Variants in SLC8A3 observed in about 807,000 individuals in gnomAD.
The protein encoded by SLC8A3 is solute carrier family 8 member A3.
A neutral mutation model predicts 65.4 loss-of-function variants in SLC8A3; 37 were observed. The observed-to-expected ratio is 0.57, with a 90% CI of 0.44 to 0.74. The LOEUF (loss-of-function observed/expected upper bound fraction) is 0.74, where lower values mean the gene tolerates loss of function less well. Among genes scored for constraint, SLC8A3 ranks in the 30% least tolerant of loss-of-function variants. The pLI is 0.00. For synonymous variants in SLC8A3, 461 were observed against 444.5 expected (o/e 1.04, Z -0.47); for missense variants, 1,112 against 1,172.1 (o/e 0.95, Z 0.75).
chr14:70,107,727 T>C (rs1892973149), intron 2 of SLC8A3, among the ~76,000 whole-genome samples: 1 of 152,110 alleles, frequency 6.6e-6, no homozygotes, highest in Admixed American at 6.5e-5. Context: ...TCTGTACATT[T>C]TTAATACCAG....
At chr14:70,168,903 T>C (rs780111490) in intron 1 of SLC8A3, among the ~76,000 whole-genome samples, 10 of 152,200 alleles carry the variant, frequency 6.6e-5, no homozygotes, top group Non-Finnish European at 8.8e-5. Flanking sequence ...TTGGATAACA[T>C]AGGTTTGCAA....
At chr14:70,094,259 A>T (rs758131212) in intron 2 of SLC8A3, among the ~76,000 whole-genome samples, 5 of 152,226 alleles carry the variant, frequency 3.3e-5, no homozygotes, top group Non-Finnish European at 7.3e-5. Context: ...TGTGGGAACT[A>T]GCACATAGAA....
At chr14:70,142,377 T>G (rs1305948156) in intron 2 of SLC8A3, among the ~76,000 whole-genome samples, 1 of 152,180 alleles carries the variant, frequency 6.6e-6, no homozygotes, top group Non-Finnish European at 1.5e-5. Context: ...AATGAACCAC[T>G]ATTGAAATAG....
At chr14:70,098,046 A>G (rs1278644317) in intron 2 of SLC8A3, among the ~76,000 whole-genome samples, 1 of 152,164 alleles carries the variant, frequency 6.6e-6, no homozygotes, top group Non-Finnish European at 1.5e-5. Context: ...GGGAGGGGAA[A>G]TCTGTAAGCA....
intron 2 of SLC8A3, among the ~76,000 whole-genome samples, chr14:70,089,188 T>C (rs1406379163): frequency 3.3e-5 from 5 of 152,220 alleles, no homozygotes; most frequent in Non-Finnish European, 7.3e-5. Context: ...CTTGCCCAGT[T>C]CCACACATCC....
At chr14:70,100,566 G>C (rs1310599991) in intron 2 of SLC8A3, among the ~76,000 whole-genome samples, 1 of 152,220 alleles carries the variant, frequency 6.6e-6, no homozygotes, top group Non-Finnish European at 1.5e-5. Flanking sequence ...AATGGAAATG[G>C]GGAAACTGCT....
intron 2 of SLC8A3, among the ~76,000 whole-genome samples, chr14:70,115,906 G>A (rs1390200294): frequency 6.6e-6 from 1 of 152,168 alleles, no homozygotes; most frequent in Non-Finnish European, 1.5e-5. Flanking sequence ...CTTCTCATGT[G>A]AGAAGGGAAG....
intron 2 of SLC8A3, among the ~76,000 whole-genome samples, chr14:70,065,618 G>A (rs1377872068): frequency 1.3e-5 from 2 of 152,194 alleles, no homozygotes; most frequent in East Asian, 3.8e-4. Flanking sequence ...CACCTACTTT[G>A]TGATGTTCTT....
At chr14:70,082,106 C>G (rs1451459730) in intron 2 of SLC8A3, among the ~76,000 whole-genome samples, 1 of 152,162 alleles carries the variant, frequency 6.6e-6, no homozygotes. Flanking sequence ...TAACTTTGTC[C>G]AAGGTCACCC....
chr14:70,111,369 TA>T (rs1183645847), intron 2 of SLC8A3, among the ~76,000 whole-genome samples: 1 of 152,216 alleles, frequency 6.6e-6, no homozygotes, highest in Non-Finnish European at 1.5e-5. Context: ...TAAGAAAATT[TA>T]GCCCAAGTAA....
At chr14:70,153,414 A>G (rs1473331069) in intron 2 of SLC8A3, among the ~76,000 whole-genome samples, 1 of 152,126 alleles carries the variant, frequency 6.6e-6, no homozygotes, top group Non-Finnish European at 1.5e-5. Context: ...CTAATTCATC[A>G]TTCCTGCTTA....
intron 2 of SLC8A3, among the ~76,000 whole-genome samples, chr14:70,126,570 T>TCTCACACACA (rs1385909771): frequency 8.5e-6 from 1 of 117,114 alleles, no homozygotes; most frequent in African/African-American, 3.2e-5. Context: ...TCTCTCTCTC[T>TCTCACACACA]CACACACACA....
At chr14:70,155,025 T>C (rs2140319753) in intron 2 of SLC8A3, among the ~76,000 whole-genome samples, 1 of 151,324 alleles carries the variant, frequency 6.6e-6, no homozygotes, top group African/African-American at 2.4e-5. Context: ...GTTCAAGCGA[T>C]TCTCCTGCCT....
chr14:70,101,821 C>T (rs537565445), intron 2 of SLC8A3, among the ~76,000 whole-genome samples: 137 of 152,350 alleles, frequency 9.0e-4, no homozygotes, highest in African/African-American at 3.1e-3. Flanking sequence ...CCAGCCTTTT[C>T]TCTGCAGATA....
intron 2 of SLC8A3, among the ~76,000 whole-genome samples, chr14:70,148,480 A>G (rs1896068581): frequency 6.6e-6 from 1 of 152,132 alleles, no homozygotes; most frequent in Non-Finnish European, 1.5e-5. Context: ...TACAATGACT[A>G]AGGTTTTAGC....
At chr14:70,088,390 C>G (rs887652228) in intron 2 of SLC8A3, among the ~76,000 whole-genome samples, 1 of 152,198 alleles carries the variant, frequency 6.6e-6, no homozygotes, top group African/African-American at 2.4e-5. Flanking sequence ...GCTTTAGAAG[C>G]AAATCCCTGA....
intron 5 of SLC8A3, 95 bp downstream of exon 5, chr14:70,050,913 T>A: frequency 1.3e-6 from 1 of 752,010 alleles, no homozygotes; most frequent in East Asian, 2.6e-5. Context: ...CACACAAGCC[T>A]TCCTAGGGAC....
intron 2 of SLC8A3, among the ~76,000 whole-genome samples, chr14:70,102,028 T>C (rs1892585171): frequency 6.6e-6 from 1 of 152,006 alleles, no homozygotes; most frequent in Non-Finnish European, 1.5e-5. Flanking sequence ...TTCTATGGGG[T>C]TTTCCTGCAA....
chr14:70,070,120 GA>G (rs1203153474), intron 2 of SLC8A3, among the ~76,000 whole-genome samples: 1 of 152,196 alleles, frequency 6.6e-6, no homozygotes, highest in Non-Finnish European at 1.5e-5. Flanking sequence ...ACTATATCTT[GA>G]GAGGGACTTT....
Sources: allele counts gnomAD v4.1 joint callset (sites outside exome capture counted in the v4.1 genomes callset), GRCh38; gene constraint gnomAD v4.1.1; transcripts MANE v1.5; gene names NCBI Gene and HGNC (gene_info 2026-07-23, HGNC 2026-07-21).